FAM110B: variants seen among roughly 807,000 people sequenced by gnomAD.
The protein encoded by FAM110B is protein FAM110B.
A neutral mutation model predicts 20.4 loss-of-function variants in FAM110B; 6 were observed. That is an observed-to-expected ratio of 0.29 (90% CI 0.16 to 0.58). The LOEUF (loss-of-function observed/expected upper bound fraction) is 0.58. FAM110B is among the 20% of genes least tolerant of loss of function. FAM110B has a pLI of 0.90. For synonymous variants in FAM110B, 226 were observed against 214.1 expected (o/e 1.06, Z -0.49); for missense variants, 434 against 498.2 (o/e 0.87, Z 1.23).
At chr8:58,050,000 T>G (rs937219858) in intron 2 of FAM110B, among the ~76,000 whole-genome samples, 2 of 152,296 alleles carry the variant, frequency 1.3e-5, no homozygotes, top group Admixed American at 1.3e-4. Flanking sequence ...TGTAAATAAA[T>G]TATATTGTTG....
At chr8:58,027,259 G>A (rs1804871221) in intron 1 of FAM110B, among the ~76,000 whole-genome samples, 1 of 152,170 alleles carries the variant, frequency 6.6e-6, no homozygotes, top group Non-Finnish European at 1.5e-5. Context: ...CTTATAAGCA[G>A]TATTGTTGAT....
intron 2 of FAM110B, among the ~76,000 whole-genome samples, chr8:58,052,931 G>C (rs978020539): frequency 6.7e-6 from 1 of 149,490 alleles, no homozygotes; most frequent in African/African-American, 2.5e-5. Flanking sequence ...GACTACAGGC[G>C]CCCGCTACCA....
At chr8:58,011,033 C>T (rs1002872703) in intron 1 of FAM110B, among the ~76,000 whole-genome samples, 1 of 152,130 alleles carries the variant, frequency 6.6e-6, no homozygotes, top group African/African-American at 2.4e-5. Flanking sequence ...ATCTGTTTGG[C>T]GGCATCCTTA....
At chr8:58,132,261 C>A (rs1213280060) in intron 3 of FAM110B, among the ~76,000 whole-genome samples, 3 of 152,164 alleles carry the variant, frequency 2.0e-5, no homozygotes, top group Admixed American at 2.0e-4. Flanking sequence ...TCCAGCACAG[C>A]AAGTACTCCT....
intron 2 of FAM110B, among the ~76,000 whole-genome samples, chr8:58,074,848 C>A (rs1405449373): frequency 6.6e-6 from 1 of 151,978 alleles, no homozygotes; most frequent in Non-Finnish European, 1.5e-5. Flanking sequence ...ACTCTGAGGC[C>A]CCTTTAAACT....
chr8:58,086,645 G>A (rs1712777697), intron 3 of FAM110B, among the ~76,000 whole-genome samples: 1 of 152,176 alleles, frequency 6.6e-6, no homozygotes, highest in African/African-American at 2.4e-5. Context: ...ATTCCACAGA[G>A]AGTGCTACTT....
At chr8:58,037,182 A>G (rs748554773) in intron 2 of FAM110B, among the ~76,000 whole-genome samples, 24 of 152,138 alleles carry the variant, frequency 1.6e-4, no homozygotes, top group Non-Finnish European at 2.8e-4. Context: ...CCTACTATCT[A>G]TAGTAAATGC....
chr8:58,060,617 AC>A (rs1563354830), intron 2 of FAM110B, among the ~76,000 whole-genome samples: 2 of 152,166 alleles, frequency 1.3e-5, no homozygotes. Flanking sequence ...CACATAGCAT[AC>A]AGTATATTTT....
At chr8:58,145,875 C>T (rs768666043) in intron 3 of FAM110B, 32 bp from the exon 4 acceptor site, 6 of 182,984 alleles carry the variant, frequency 3.3e-5, no homozygotes, top group Non-Finnish European at 6.8e-5. Flanking sequence ...ACCCGCCCCT[C>T]CTAACCCGCG....
Position 58,147,581 on chromosome 8 carries a change from T to A in FAM110B, c.*238T>A. ...TTTCAGGCCAGAATCTAATTAGGGC[T>A]TTGCTCGTAAGCAAAACTGTTTACA... On this transcript the variant is annotated 3_prime_UTR_variant, in exon 4 of 4. Transcript: ENST00000519262. The A allele has an allele frequency of 1.9e-6, 1 of 537,562 alleles. No individual in the cohort carries two copies. Among genetic ancestry groups the A allele is most frequent in the Non-Finnish European group, 3.4e-6 (1 of 296,712 alleles). 33.3% of individuals were successfully genotyped at this position (537,562 alleles called of 1,614,324 possible). A position where few individuals can be genotyped will look rare whatever the true frequency, so the allele number is the denominator to read the frequency against.
At chr8:58,125,595 T>G (rs1341230075) in intron 3 of FAM110B, among the ~76,000 whole-genome samples, 1 of 152,244 alleles carries the variant, frequency 6.6e-6, no homozygotes, top group East Asian at 1.9e-4. Flanking sequence ...TGGAACAATT[T>G]AGGAGATAGT....
chr8:58,101,039 T>C, intron 3 of FAM110B: 1 of 152,110 alleles, frequency 6.6e-6, no homozygotes, highest in East Asian at 1.9e-4. Context: ...TAGCTGGGCA[T>C]GGTGGTGGGC....
Position 58,146,935 on chromosome 8 carries a change from C to T in FAM110B, c.705C>T (p.Ser235=), listed in dbSNP as rs781584797. 1 of 1,614,224 alleles carries T rather than the reference C, an allele frequency of 6.2e-7. No homozygotes were observed. The highest frequency in any genetic ancestry group is 8.5e-7 in the Non-Finnish European group (1 of 1,180,048). ...PPKPKIAAIA[S]MKSPEADPVE... is the part of the protein sequence containing the mutation. ...AGCCCAAAATCGCAGCCATCGCCTC[C>T]ATGAAGTCCCCCGAGGCCGACCCTG... Residue 235 remains serine (S), a synonymous_variant, in exon 4 of 4, where the codon TCC becomes TCT. Coordinates refer to ENST00000519262, the MANE Select transcript of FAM110B (RefSeq NM_001377989.1).
intron 2 of FAM110B, among the ~76,000 whole-genome samples, chr8:58,056,441 G>A (rs1250710925): frequency 1.3e-5 from 2 of 152,094 alleles, no homozygotes; most frequent in African/African-American, 4.8e-5. Flanking sequence ...GTATAATAAA[G>A]TCAGACTAAG....
intron 3 of FAM110B, among the ~76,000 whole-genome samples, chr8:58,109,018 T>G (rs1414245655): frequency 6.6e-6 from 1 of 152,250 alleles, no homozygotes; most frequent in East Asian, 1.9e-4. Context: ...ACTACCTTGC[T>G]CTGGGCTTAG....
intron 3 of FAM110B, among the ~76,000 whole-genome samples, chr8:58,110,660 A>T (rs2150618768): frequency 6.6e-6 from 1 of 152,300 alleles, no homozygotes; most frequent in East Asian, 1.9e-4. Context: ...TTATTTCAGA[A>T]CTTGATTTCA....
chr8:58,126,489 T>C (rs1366884734), intron 3 of FAM110B, among the ~76,000 whole-genome samples: 2 of 152,188 alleles, frequency 1.3e-5, no homozygotes, highest in Non-Finnish European at 2.9e-5. Flanking sequence ...TACCAGGGTG[T>C]CTCTACACTA....
chr8:58,058,566 G>T (rs1563354152), intron 2 of FAM110B, among the ~76,000 whole-genome samples: 1 of 151,988 alleles, frequency 6.6e-6, no homozygotes, highest in Non-Finnish European at 1.5e-5. Flanking sequence ...TTATTCTCAG[G>T]TCCTTATAAA....
At chr8:57,995,261 C>T (rs1443433377) in intron 1 of FAM110B, among the ~76,000 whole-genome samples, 1 of 152,114 alleles carries the variant, frequency 6.6e-6, no homozygotes, top group Admixed American at 6.5e-5. Flanking sequence ...CGCTCGGCCA[C>T]CGCTCCTGAA....
Sources: gnomAD v4.1 joint callset for allele counts (sites outside exome capture counted in the v4.1 genomes callset) on GRCh38, gnomAD v4.1.1 for gene constraint, MANE v1.5 for transcripts, NCBI Gene and HGNC (gene_info 2026-07-23, HGNC 2026-07-21) for gene names.